LSAMP: variants seen among roughly 807,000 people sequenced by gnomAD.
LSAMP encodes the protein limbic system associated membrane protein.
A neutral mutation model predicts 38.6 loss-of-function variants in LSAMP; 7 were observed. That is an observed-to-expected ratio of 0.18 (90% CI 0.10 to 0.34). The LOEUF (loss-of-function observed/expected upper bound fraction) is 0.34, where lower values mean the gene tolerates loss of function less well. LSAMP is among the 10% of genes least tolerant of loss of function. The pLI is 1.00. For missense variants in LSAMP, 313 were observed against 420.0 expected (o/e 0.75, Z 2.23); for synonymous variants, 154 against 166.8 (o/e 0.92, Z 0.59).
At chr3:115,818,790 T>TTATATATATATATACATATATATATATA (rs1934119563) in intron 6 of LSAMP, among the ~76,000 whole-genome samples, 1 of 69,786 alleles carries the variant, frequency 1.4e-5, no homozygotes, top group South Asian at 7.5e-4. Context: ...AGTTGTACTT[T>TTATATATATATATACATATATATATATA]TATATATATA....
chr3:116,230,079 G>A (rs1485992498), intron 1 of LSAMP, among the ~76,000 whole-genome samples: 1 of 152,132 alleles, frequency 6.6e-6, no homozygotes, highest in African/African-American at 2.4e-5. Context: ...AGAAACAGGG[G>A]TCCACTTGTT....
intron 1 of LSAMP, among the ~76,000 whole-genome samples, chr3:116,293,633 AGTT>A (rs2047295351): frequency 6.6e-6 from 1 of 152,180 alleles, no homozygotes; most frequent in African/African-American, 2.4e-5. Context: ...GAATAAGCAA[AGTT>A]GTTATCTATT....
At chr3:116,406,657 A>G (rs1340506748) in intron 1 of LSAMP, among the ~76,000 whole-genome samples, 1 of 152,082 alleles carries the variant, frequency 6.6e-6, no homozygotes, top group African/African-American at 2.4e-5. Flanking sequence ...GAGAGAAAAA[A>G]TGGCAAATTT....
intron 6 of LSAMP, among the ~76,000 whole-genome samples, chr3:115,835,639 C>A (rs1425721733): frequency 2.0e-5 from 3 of 152,194 alleles, no homozygotes; most frequent in African/African-American, 7.2e-5. Flanking sequence ...GGCATATGTG[C>A]ATATTCAAAT....
At chr3:115,997,361 T>C (rs1939843936) in intron 3 of LSAMP, among the ~76,000 whole-genome samples, 1 of 151,814 alleles carries the variant, frequency 6.6e-6, no homozygotes, top group African/African-American at 2.4e-5. Flanking sequence ...AGGCTATGGA[T>C]AAAAATCTCA....
chr3:115,816,523 T>C (rs1392095646), intron 6 of LSAMP: 1 of 693,238 alleles, frequency 1.4e-6, no homozygotes, highest in East Asian at 6.6e-5. Context: ...CACAAATTAT[T>C]CCACTGAAAC....
At chr3:116,191,249 G>A (rs888938867) in intron 1 of LSAMP, among the ~76,000 whole-genome samples, 1 of 152,060 alleles carries the variant, frequency 6.6e-6, no homozygotes, top group South Asian at 2.1e-4. Flanking sequence ...CAAACAAAAC[G>A]AATGCAAATG....
At chr3:116,003,594 G>A (rs561458768) in intron 3 of LSAMP, among the ~76,000 whole-genome samples, 2 of 152,260 alleles carry the variant, frequency 1.3e-5, no homozygotes, top group East Asian at 1.9e-4. Flanking sequence ...TGGAAAAGGG[G>A]CTTTTGCAAA....
Position 115,886,170 on chromosome 3 carries a change from C to G in LSAMP, c.515-33553G>C, listed in dbSNP as rs543752921. ...ATCCATATCAGTGAGGAGGCATCTT[C>G]TTTACTGGTAATGCAAATGCTAATG... On this transcript the variant is annotated intron_variant, in intron 3 of 6. Coordinates refer to ENST00000490035, the MANE Select transcript of LSAMP (RefSeq NM_002338.5). 2.5e-4 allele frequency among the ~76,000 whole-genome samples: 38 copies of G among 152,020 alleles called. 1 individual carries two copies. In the South Asian group the frequency reaches 7.7e-3, roughly 31 times the overall value.
chr3:116,087,074 G>A (rs1193591736), intron 1 of LSAMP, among the ~76,000 whole-genome samples: 1 of 152,154 alleles, frequency 6.6e-6, no homozygotes, highest in African/African-American at 2.4e-5. Context: ...GCCACTTCCA[G>A]GAGTAAAAAT....
At chr3:115,903,849 A>C (rs926316966) in intron 3 of LSAMP, among the ~76,000 whole-genome samples, 4 of 152,152 alleles carry the variant, frequency 2.6e-5, no homozygotes, top group African/African-American at 9.7e-5. Context: ...CTCTTATTTA[A>C]ATGGTACTTA....
At chr3:116,001,734 A>T (rs1939999155) in intron 3 of LSAMP, among the ~76,000 whole-genome samples, 1 of 152,088 alleles carries the variant, frequency 6.6e-6, no homozygotes, top group African/African-American at 2.4e-5. Context: ...TCTCTCTCTA[A>T]CTACAACCCT....
intron 1 of LSAMP, among the ~76,000 whole-genome samples, chr3:116,323,894 C>T (rs947688955): frequency 3.3e-5 from 5 of 152,164 alleles, no homozygotes; most frequent in African/African-American, 1.2e-4. Context: ...AGATCCAAAA[C>T]AATCTTCAAC....
chr3:115,960,583 G>A (rs113428951), intron 3 of LSAMP, among the ~76,000 whole-genome samples: 2,867 of 152,036 alleles, frequency 0.019, 30 homozygotes, highest in African/African-American at 0.033. Context: ...AATTTTTTCC[G>A]CCAGTGTTTC....
At chr3:116,269,753 A>G (rs1049004778) in intron 1 of LSAMP, among the ~76,000 whole-genome samples, 1 of 152,128 alleles carries the variant, frequency 6.6e-6, no homozygotes, top group Non-Finnish European at 1.5e-5. Flanking sequence ...TGATCACCTT[A>G]CTGAAAGGCA....
At position 115,961,257 on chromosome 3, in the gene LSAMP, A is replaced by G. The variant is rs114599901; in HGVS notation, c.514+58258T>C. 4.8e-3 allele frequency among the ~76,000 whole-genome samples: 736 copies of G among 152,316 alleles called. 5 individuals are homozygous for G. Among genetic ancestry groups the G allele is most frequent in the African/African-American group, 0.016 (656 of 41,562 alleles). ...GCAGATGTGTTTTCCAGCCTCCTAA[A>G]GTCAGAAGAGACAGTGGGAGATGAG... On this transcript the variant is annotated intron_variant, in intron 3 of 6. Coordinates refer to ENST00000490035, the MANE Select transcript of LSAMP (RefSeq NM_002338.5).
intron 3 of LSAMP, among the ~76,000 whole-genome samples, chr3:115,933,774 GAAAC>G (rs773417377): frequency 1.3e-5 from 2 of 152,144 alleles, no homozygotes; most frequent in Non-Finnish European, 2.9e-5. Flanking sequence ...AGATGTTATT[GAAAC>G]AAACAGAGGA....
At chr3:116,424,171 C>T (rs564828816) in intron 1 of LSAMP, among the ~76,000 whole-genome samples, 1 of 152,284 alleles carries the variant, frequency 6.6e-6, no homozygotes, top group South Asian at 2.1e-4. Context: ...ATGTGCATGT[C>T]CTCCTTTCCT....
intron 1 of LSAMP, among the ~76,000 whole-genome samples, chr3:116,136,489 C>T (rs76819297): frequency 0.053 from 8,072 of 152,018 alleles, 272 homozygotes; most frequent in Middle Eastern, 0.16. Context: ...TTTATTAATT[C>T]GCTTGTGTAT....
Sources: allele counts gnomAD v4.1 joint callset (sites outside exome capture counted in the v4.1 genomes callset), GRCh38; gene constraint gnomAD v4.1.1; transcripts MANE v1.5; gene names NCBI Gene and HGNC (gene_info 2026-07-23, HGNC 2026-07-21).